KLHL29: variants seen among roughly 807,000 people sequenced by gnomAD.
KLHL29 encodes the protein kelch-like protein 29.
In KLHL29, 21 loss-of-function variants were observed where a neutral mutation model predicts 80.4. The observed-to-expected ratio is 0.26, with a 90% CI of 0.19 to 0.38. KLHL29 has a LOEUF of 0.38. Ranked by LOEUF, KLHL29 falls within the 10% of genes least tolerant of loss-of-function variation. KLHL29 has a pLI of 1.00. For missense variants in KLHL29, 867 were observed against 1,223.9 expected, an observed-to-expected ratio of 0.71 and a Z score of 4.35; for synonymous variants, 511 against 526.8, an observed-to-expected ratio of 0.97 and a Z score of 0.41.
intron 1 of KLHL29, among the ~76,000 whole-genome samples, chr2:23,434,182 G>T (rs965355620): frequency 1.3e-5 from 2 of 151,956 alleles, no homozygotes; most frequent in Non-Finnish European, 2.9e-5. Flanking sequence ...TTAGCCGGGC[G>T]TGTTGGCGGG....
chr2:23,504,402 G>A (rs1246393800), intron 2 of KLHL29, among the ~76,000 whole-genome samples: 1 of 152,186 alleles, frequency 6.6e-6, no homozygotes, highest in Non-Finnish European at 1.5e-5. Context: ...CTACAGGCAG[G>A]GATGTCTACA....
intron 1 of KLHL29, among the ~76,000 whole-genome samples, chr2:23,467,866 G>A (rs1015784815): frequency 6.6e-6 from 1 of 151,948 alleles, no homozygotes; most frequent in South Asian, 2.1e-4. Flanking sequence ...TGATCAGCCC[G>A]TTGGTTCCAC....
At chr2:23,395,572 C>T (rs991056661) in intron 1 of KLHL29, among the ~76,000 whole-genome samples, 2 of 152,034 alleles carry the variant, frequency 1.3e-5, no homozygotes, top group Non-Finnish European at 2.9e-5. Flanking sequence ...TGGTGAAACC[C>T]GGTCTCTACC....
intron 3 of KLHL29, among the ~76,000 whole-genome samples, chr2:23,613,762 T>C (rs1668929129): frequency 1.2e-4 from 2 of 16,398 alleles, no homozygotes; most frequent in African/African-American, 3.0e-4. Flanking sequence ...AGACTCCATC[T>C]CAAAAAAAAA....
At chr2:23,506,189 G>A (rs1665592892) in intron 2 of KLHL29, among the ~76,000 whole-genome samples, 1 of 152,240 alleles carries the variant, frequency 6.6e-6, no homozygotes, top group Non-Finnish European at 1.5e-5. Context: ...ATTCCAGATG[G>A]GCATGATTTT....
chr2:23,687,165 C>T (rs1671298591), intron 6 of KLHL29, among the ~76,000 whole-genome samples: 1 of 152,208 alleles, frequency 6.6e-6, no homozygotes, highest in Non-Finnish European at 1.5e-5. Context: ...GGCAGCTGCA[C>T]TCTTGTAAGG....
rs112818213 is a variant in KLHL29, at chr2:23,581,297, G to A, written c.285+18816G>A. ...TCCCCACCCGGTCTTCCTTCCCACC[G>A]TTTTGAACATCACATGGATTCTCTT... On this transcript the variant is annotated intron_variant, in intron 3 of 13. Coordinates refer to ENST00000486442, the MANE Select transcript of KLHL29 (RefSeq NM_052920.2). Among the ~76,000 whole-genome samples the A allele has an allele frequency of 2.9e-3, 438 of 152,210 alleles. 1 individual carries two copies. The highest frequency in any genetic ancestry group is 4.3e-3 in the Non-Finnish European group (293 of 68,014).
chr2:23,632,997 A>G lies in KLHL29; in HGVS notation c.286-6142A>G, dbSNP rs55634573. Among the ~76,000 whole-genome samples, 815 of 152,232 alleles carry G rather than the reference A, an allele frequency of 5.4e-3. 4 individuals are homozygous for G. Among genetic ancestry groups the G allele is most frequent in the African/African-American group, 0.019 (778 of 41,558 alleles). ...CAAAAGTCTGGCATGGCCAATCAGA[A>G]CCATGCCAGAGTTGTAGGGAGGGCC... On this transcript the variant is annotated intron_variant, in intron 3 of 13. Coordinates refer to ENST00000486442, the MANE Select transcript of KLHL29 (RefSeq NM_052920.2).
At chr2:23,390,491 G>C (rs1666290447) in intron 1 of KLHL29, among the ~76,000 whole-genome samples, 1 of 151,812 alleles carries the variant, frequency 6.6e-6, no homozygotes, top group Admixed American at 6.6e-5. Context: ...TAAAATCACT[G>C]ATCATTTTAA....
At chr2:23,489,198 C>T (rs1349939233) in intron 2 of KLHL29, among the ~76,000 whole-genome samples, 1 of 152,128 alleles carries the variant, frequency 6.6e-6, no homozygotes, top group Non-Finnish European at 1.5e-5. Context: ...GACTGTGGGT[C>T]CACTTGGAAG....
chr2:23,480,213 G>T (rs142753098), intron 2 of KLHL29, among the ~76,000 whole-genome samples: 1 of 152,228 alleles, frequency 6.6e-6, no homozygotes, highest in Non-Finnish European at 1.5e-5. Flanking sequence ...TGGCCCGGCC[G>T]TGGTGGCTCA....
chr2:23,569,615 A>ATT (rs11404315), intron 3 of KLHL29, among the ~76,000 whole-genome samples: 2 of 151,990 alleles, frequency 1.3e-5, no homozygotes, highest in African/African-American at 4.8e-5. Context: ...CATTTATAAC[A>ATT]TTTTTTTTAT....
chr2:23,646,411 A>G (rs1669935152), intron 5 of KLHL29, among the ~76,000 whole-genome samples: 1 of 152,264 alleles, frequency 6.6e-6, no homozygotes, highest in South Asian at 2.1e-4. Flanking sequence ...CTCCAGGCCT[A>G]GTGGTGAGCT....
intron 6 of KLHL29, among the ~76,000 whole-genome samples, chr2:23,688,274 T>C (rs1368031109): frequency 2.0e-5 from 3 of 152,184 alleles, no homozygotes; most frequent in African/African-American, 7.2e-5. Flanking sequence ...CGCCCAGGCG[T>C]TCATTCATGG....
chr2:23,400,267 G>C (rs1007161463), intron 1 of KLHL29, among the ~76,000 whole-genome samples: 1 of 152,198 alleles, frequency 6.6e-6, no homozygotes, highest in African/African-American at 2.4e-5. Flanking sequence ...CCTGCCCCAG[G>C]CAGGGTTTGG....
At position 23,489,794 on chromosome 2, in the gene KLHL29, T is replaced by C. The variant is rs77784672; in HGVS notation, c.-46+14127T>C. Among the ~76,000 whole-genome samples, 27 of 151,936 alleles carry C rather than the reference T, an allele frequency of 1.8e-4. 1 individual carries two copies. The East Asian group carries it at 5.2e-3, about 29-fold the overall frequency. ...CAGTGAAACTTGCATGCGTGGAGTC[T>C]GGTCAGGGAGCTGGGTGGGGTGGGC... On this transcript the variant is annotated intron_variant, in intron 2 of 13. Coordinates refer to ENST00000486442, the MANE Select transcript of KLHL29 (RefSeq NM_052920.2).
chr2:23,606,352 G>A (rs1317456143), intron 3 of KLHL29, among the ~76,000 whole-genome samples: 1 of 152,086 alleles, frequency 6.6e-6, no homozygotes, highest in Non-Finnish European at 1.5e-5. Context: ...TGGGTGCAGG[G>A]GTCTCTGGCC....
intron 1 of KLHL29, among the ~76,000 whole-genome samples, chr2:23,405,860 A>G (rs7564616): frequency 0.26 from 40,043 of 152,090 alleles, 5,462 homozygotes; most frequent in South Asian, 0.31. Flanking sequence ...CATGGGGGAA[A>G]TGAATTTTGA....
At chr2:23,406,490 C>T (rs1220323317) in intron 1 of KLHL29, among the ~76,000 whole-genome samples, 1 of 152,180 alleles carries the variant, frequency 6.6e-6, no homozygotes, top group East Asian at 1.9e-4. Flanking sequence ...GTATACAACA[C>T]ACATTGCCTC....
Sources: allele counts gnomAD v4.1 joint callset (sites outside exome capture counted in the v4.1 genomes callset), GRCh38; gene constraint gnomAD v4.1.1; transcripts MANE v1.5; gene names NCBI Gene and HGNC (gene_info 2026-07-23, HGNC 2026-07-21).